The following ARFGEF3 variants were observed in gnomAD, a reference collection of about 807,000 sequenced individuals.
ARFGEF3 encodes brefeldin A-inhibited guanine nucleotide-exchange protein 3.
Under a neutral mutation model 221.7 loss-of-function variants are expected in ARFGEF3, and 96 were observed. The ratio of observed to expected loss-of-function variants is 0.43; its 90% confidence interval spans 0.37 to 0.51. ARFGEF3 has a LOEUF of 0.51. Ranked by LOEUF, ARFGEF3 falls within the 20% of genes least tolerant of loss-of-function variation. The pLI, the probability that ARFGEF3 is intolerant of heterozygous loss-of-function variation, is 0.00. For missense variants in ARFGEF3, 2,410 were observed against 2,789.9 expected, an observed-to-expected ratio of 0.86 and a Z score of 3.07; for synonymous variants, 1,145 against 1,126.8, an observed-to-expected ratio of 1.02 and a Z score of -0.32.
chr6:138,264,871 T>C (rs1384034002), intron 12 of ARFGEF3, among the ~76,000 whole-genome samples: 3 of 151,918 alleles, frequency 2.0e-5, no homozygotes, highest in Non-Finnish European at 2.9e-5. Context: ...CTTAAATCTC[T>C]GTATATATAA....
chr6:138,192,939 A>G (rs993010778), intron 2 of ARFGEF3, among the ~76,000 whole-genome samples: 6 of 152,098 alleles, frequency 3.9e-5, no homozygotes, highest in Non-Finnish European at 5.9e-5. Flanking sequence ...TCTGTTTTCT[A>G]TCCATTTGCT....
intron 8 of ARFGEF3, among the ~76,000 whole-genome samples, chr6:138,253,338 G>A (rs1316856979): frequency 2.6e-5 from 4 of 151,898 alleles, no homozygotes; most frequent in African/African-American, 7.3e-5. Flanking sequence ...CACCCCAACT[G>A]TATTATCTTG....
intron 22 of ARFGEF3, among the ~76,000 whole-genome samples, chr6:138,303,755 G>T (rs1023189913): frequency 6.6e-6 from 1 of 151,010 alleles, no homozygotes; most frequent in African/African-American, 2.4e-5. Context: ...CCAGCTACTC[G>T]GGAAGCTGAG....
rs1196406532 is a variant in ARFGEF3, at chr6:138,296,664, A to T, written c.3503-146A>T. The T allele has an allele frequency of 5.4e-6, 5 of 922,892 alleles. No individual in the cohort carries two copies. The East Asian group carries it at 1.2e-4, about 23-fold the overall frequency. 57.2% of individuals were successfully genotyped at this position (922,892 alleles called of 1,614,324 possible). ...AAGTGAACCACCACATCCTTCTTGAATCCAGGGCTCCCTCCTCCCTTGGTT... is the reference window on the plus strand; with the variant it reads ...AAGTGAACCACCACATCCTTCTTGATTCCAGGGCTCCCTCCTCCCTTGGTT... On this transcript the variant is annotated intron_variant, in intron 20 of 33. Transcript: ENST00000251691.
intron 4 of ARFGEF3, among the ~76,000 whole-genome samples, chr6:138,213,932 C>T (rs1482786701): frequency 6.6e-6 from 1 of 152,160 alleles, no homozygotes; most frequent in Non-Finnish European, 1.5e-5. Flanking sequence ...TGATAGGTCA[C>T]AAGTGAGGGC....
intron 8 of ARFGEF3, 133 bp from the exon 9 acceptor site, chr6:138,253,747 A>G (rs192190756): frequency 1.9e-5 from 14 of 723,838 alleles, no homozygotes; most frequent in Non-Finnish European, 3.3e-5. Context: ...AGTTCAACCC[A>G]TAACACTAAC....
At chr6:138,214,586 G>A (rs1777800041) in intron 4 of ARFGEF3, among the ~76,000 whole-genome samples, 1 of 152,188 alleles carries the variant, frequency 6.6e-6, no homozygotes, top group Non-Finnish European at 1.5e-5. Flanking sequence ...ATTGGTATCT[G>A]TTAGTGCTTA....
intron 2 of ARFGEF3, among the ~76,000 whole-genome samples, chr6:138,178,224 A>G (rs1341795444): frequency 6.6e-6 from 1 of 152,210 alleles, no homozygotes. Context: ...GCCATCTCAT[A>G]TAATGAAATA....
Position 138,337,499 on chromosome 6 carries a change from G to A in ARFGEF3, c.*1013G>A, listed in dbSNP as rs145544764. On this transcript the variant is annotated 3_prime_UTR_variant, in exon 34 of 34. Coordinates refer to ENST00000251691, the MANE Select transcript of ARFGEF3 (RefSeq NM_020340.5). ...GGACTCAGGGAAGGGAGCAGGGAGT[G>A]TGGGGTGGGGATGGATTATGATGAA... 2.0e-5 allele frequency: 3 copies of A among 152,788 alleles called. No homozygotes were observed. Among genetic ancestry groups the A allele is most frequent in the African/African-American group, 7.2e-5 (3 of 41,576 alleles). The allele number at this position is 152,788 out of a possible 1,614,324, so 9.5% of individuals were successfully genotyped here. A position where few individuals can be genotyped will look rare whatever the true frequency, so the allele number is the denominator to read the frequency against.
rs370600463 is a variant in ARFGEF3, at chr6:138,229,835, G to A, written c.403G>A (p.Val135Met). The change falls in exon 5 of 34, where the codon GTG becomes ATG. Residue 135 changes from valine (V) to methionine (M), a missense_variant. Around this residue, in one of 5 missense-constraint regions of ARFGEF3, gnomAD observed 570 missense variants for 586.9 expected, o/e 0.97. Coordinates refer to ENST00000251691, the MANE Select transcript of ARFGEF3 (RefSeq NM_020340.5). ...AACATTTGATCTGAATGGGAGTGCC[G>A]TGCTGAAGATCGCGGAGGTGAGTAC... ...TPTFDLNGSA[V>M]LKIAEVCIET... 42 of 1,613,580 alleles carry A rather than the reference G, an allele frequency of 2.6e-5. 1 individual carries two copies. Among genetic ancestry groups the A allele is most frequent in the Admixed American group, 6.7e-5 (4 of 60,004 alleles).
rs750006128 is a variant in ARFGEF3 at position 138,255,535 on chromosome 6, G to A, written c.870G>A (p.Glu290=). Residue 290 remains glutamate (E), a synonymous_variant, in exon 10 of 34, where the codon GAG becomes GAA. Transcript: ENST00000251691. The part of the protein sequence containing the change: ...AHTSSTSTSL[E]SDSASPGVSD... ...CCAGCAGCACCAGTACCAGCCTGGA[G>A]TCGGACTCTGCGTCTCCGGGAGTGT... 4 of 1,613,944 alleles carry A rather than the reference G, an allele frequency of 2.5e-6. No individual in the cohort carries two copies. In the African/African-American group the frequency reaches 5.3e-5, roughly 22 times the overall value.
Position 138,289,876 on chromosome 6 carries a change from G to T in ARFGEF3, c.2955G>T (p.Leu985=). 6.2e-7 allele frequency: 1 copy of T among 1,613,902 alleles called. No homozygotes were observed. The highest frequency in any genetic ancestry group is 8.5e-7 in the Non-Finnish European group (1 of 1,179,806). Reference sequence around the variant, plus strand: ...TTGGGAAGGTGCAGGGGGTGTGGCTGCACACTGCCCACGTCTTGTGCATGG... The same window carrying T: ...TTGGGAAGGTGCAGGGGGTGTGGCTTCACACTGCCCACGTCTTGTGCATGG... ...EQIGKVQGVW[L]HTAHVLCMEA... The change falls in exon 18 of 34, where the codon CTG becomes CTT. Residue 985 remains leucine, a synonymous_variant. Coordinates refer to ENST00000251691, the MANE Select transcript of ARFGEF3 (RefSeq NM_020340.5).
At chr6:138,238,674 G>A in intron 6 of ARFGEF3, 43 bp downstream of exon 6, 2 of 1,603,792 alleles carry the variant, frequency 1.2e-6, no homozygotes, top group Non-Finnish European at 1.7e-6. Flanking sequence ...TCCTGGTGGT[G>A]TCTGTGTATC....
At chr6:138,267,216 G>A (rs1778912844) in intron 12 of ARFGEF3, among the ~76,000 whole-genome samples, 1 of 152,118 alleles carries the variant, frequency 6.6e-6, no homozygotes. Context: ...TTGAGGCCAG[G>A]AGTTTGAGAC....
At chr6:138,173,627 T>C (rs572919462) in intron 2 of ARFGEF3, among the ~76,000 whole-genome samples, 66 of 152,334 alleles carry the variant, frequency 4.3e-4, no homozygotes, top group Admixed American at 2.7e-3. Context: ...TTCATGTGTA[T>C]GTGTGTGGCT....
chr6:138,171,033 A>G (rs1296203587), intron 2 of ARFGEF3, among the ~76,000 whole-genome samples: 1 of 148,612 alleles, frequency 6.7e-6, no homozygotes, highest in Non-Finnish European at 1.5e-5. Flanking sequence ...TCCTGTGATA[A>G]CAGCATTCAT....
chr6:138,181,553 C>T (rs1232626937), intron 2 of ARFGEF3, among the ~76,000 whole-genome samples: 1 of 152,202 alleles, frequency 6.6e-6, no homozygotes, highest in Non-Finnish European at 1.5e-5. Flanking sequence ...AAGCAATTCT[C>T]CTGCCTTGGC....
chr6:138,237,990 C>T (rs1201989113), intron 5 of ARFGEF3, among the ~76,000 whole-genome samples: 1 of 152,144 alleles, frequency 6.6e-6, no homozygotes, highest in Non-Finnish European at 1.5e-5. Context: ...AACATTTTTG[C>T]CATAAGCCAT....
In ARFGEF3 at chr6:138,334,980, T is replaced by G; in HGVS notation, c.6134T>G (p.Val2045Gly). Residue 2045 changes from valine (V) to glycine (G), a missense_variant, in exon 33 of 34, where the codon GTC (valine) becomes GGC (glycine). This residue lies in a region of ARFGEF3 where 339 missense variants were observed against 334.9 expected (regional missense o/e 1.01). Coordinates refer to ENST00000251691, the MANE Select transcript of ARFGEF3 (RefSeq NM_020340.5). The surrounding 1 kb of genome is among the most constrained non-coding windows in gnomAD (Gnocchi z 5.1). ...AACCTGTCCGCGTTCCCCAAAGAGG[T>G]CAAAGTGGAGAAGAAAGGAGAGCCA... ...QHNLSAFPKE[V>G]KVEKKGEPLG... 6.3e-7 allele frequency: 1 copy of G among 1,585,300 alleles called. No individual in the cohort carries two copies. The highest frequency in any genetic ancestry group is 1.3e-5 in the African/African-American group (1 of 74,172).
Sources: gnomAD v4.1 joint callset for allele counts (sites outside exome capture counted in the v4.1 genomes callset) on GRCh38, gnomAD v4.1.1 for gene constraint, gnomAD v4.1.1 regional missense constraint, Gnocchi (gnomAD v3.1) non-coding constraint, MANE v1.5 for transcripts, NCBI Gene and HGNC (gene_info 2026-07-23, HGNC 2026-07-21) for gene names.